CNTN3: variants seen among roughly 807,000 people sequenced by gnomAD.
CNTN3 encodes contactin-3.
In CNTN3, 60 loss-of-function variants were observed where a neutral mutation model predicts 119.1. The observed-to-expected ratio is 0.50, with a 90% CI of 0.41 to 0.62. The LOEUF (loss-of-function observed/expected upper bound fraction) is 0.62, where lower values mean the gene tolerates loss of function less well. Among genes scored for constraint, CNTN3 ranks in the 20% least tolerant of loss-of-function variants. The probability of loss-of-function intolerance (pLI) is 0.00; values close to 1 mark genes in which losing one functional copy is unlikely to be tolerated. For missense variants in CNTN3, 1,101 were observed against 1,242.4 expected, an observed-to-expected ratio of 0.89 and a Z score of 1.71; for synonymous variants, 450 against 438.7, an observed-to-expected ratio of 1.03 and a Z score of -0.32.
chr3:74,591,879 A>G (rs1285422152), intron 1 of CNTN3, among the ~76,000 whole-genome samples: 1 of 151,944 alleles, frequency 6.6e-6, no homozygotes, highest in Non-Finnish European at 1.5e-5. Flanking sequence ...CCCAAGGAAG[A>G]CAGGATAGAT....
Position 74,560,155 on chromosome 3 carries a change from T to C in CNTN3, c.-80-38963A>G, listed in dbSNP as rs138392400. Among the ~76,000 whole-genome samples, 379 of 152,266 alleles carry C rather than the reference T, an allele frequency of 2.5e-3. 4 individuals are homozygous for C. The highest frequency in any genetic ancestry group is 8.5e-3 in the African/African-American group (354 of 41,542). ...CAGCACACTCACTGGCTAGATACCATCAAGCACATCATCACACTCTTTAAT... is the reference window on the plus strand; with the variant it reads ...CAGCACACTCACTGGCTAGATACCACCAAGCACATCATCACACTCTTTAAT... On this transcript the variant is annotated intron_variant, in intron 1 of 22. Transcript: ENST00000263665.
Position 74,328,406 on chromosome 3 carries a change from C to G in CNTN3, c.1668+6329G>C, listed in dbSNP as rs114945878. 4.5e-3 allele frequency among the ~76,000 whole-genome samples: 688 copies of G among 152,162 alleles called. 5 individuals are homozygous for G. The highest frequency in any genetic ancestry group is 0.015 in the African/African-American group (630 of 41,510). ...TTGATGGAAATTAACATTTGTTGCACTCTCCTTCTGTTGTATTTACATAAT... is the reference window on the plus strand; with the variant it reads ...TTGATGGAAATTAACATTTGTTGCAGTCTCCTTCTGTTGTATTTACATAAT... On this transcript the variant is annotated intron_variant, in intron 13 of 22. Coordinates refer to ENST00000263665, the MANE Select transcript of CNTN3 (RefSeq NM_020872.3).
chr3:74,454,707 G>A (rs1417353986), intron 4 of CNTN3, among the ~76,000 whole-genome samples: 1 of 151,802 alleles, frequency 6.6e-6, no homozygotes, highest in Non-Finnish European at 1.5e-5. Context: ...GGCAGGCCTG[G>A]TGGTGACAAA....
intron 5 of CNTN3, among the ~76,000 whole-genome samples, chr3:74,380,948 G>A (rs560602275): frequency 2.8e-4 from 43 of 151,690 alleles, no homozygotes; most frequent in African/African-American, 9.4e-4. Flanking sequence ...ATTTTCACTG[G>A]TAAACAGAAA....
chr3:74,525,673 G>A (rs1703609017), intron 1 of CNTN3, among the ~76,000 whole-genome samples: 1 of 151,848 alleles, frequency 6.6e-6, no homozygotes, highest in South Asian at 2.1e-4. Flanking sequence ...AAGGGCTAAA[G>A]CTTAATATAT....
intron 4 of CNTN3, among the ~76,000 whole-genome samples, chr3:74,429,735 T>G (rs1701752489): frequency 6.6e-6 from 1 of 152,064 alleles, no homozygotes; most frequent in Admixed American, 6.6e-5. Context: ...TGAAAACCAC[T>G]TATCCACTAA....
intron 4 of CNTN3, among the ~76,000 whole-genome samples, chr3:74,437,866 TA>T (rs1488643924): frequency 6.6e-6 from 1 of 152,270 alleles, no homozygotes; most frequent in Non-Finnish European, 1.5e-5. Context: ...CTGTGCAAAG[TA>T]CATGTTAAAA....
At chr3:74,414,624 T>C (rs994446740) in intron 5 of CNTN3, among the ~76,000 whole-genome samples, 4 of 152,126 alleles carry the variant, frequency 2.6e-5, no homozygotes, top group African/African-American at 7.2e-5. Flanking sequence ...ACAAGCCCCC[T>C]AAATGAGCCA....
At chr3:74,431,538 T>C (rs1701782972) in intron 4 of CNTN3, among the ~76,000 whole-genome samples, 1 of 152,178 alleles carries the variant, frequency 6.6e-6, no homozygotes, top group Non-Finnish European at 1.5e-5. Flanking sequence ...GGGACCTTAA[T>C]ATAAACTATG....
chr3:74,456,135 T>C (rs918931312), intron 4 of CNTN3, among the ~76,000 whole-genome samples: 2 of 152,104 alleles, frequency 1.3e-5, no homozygotes. Context: ...CATATAGCAA[T>C]TGCTGCTTGG....
chr3:74,312,730 T>C (rs965990646), intron 13 of CNTN3, among the ~76,000 whole-genome samples: 1 of 152,102 alleles, frequency 6.6e-6, no homozygotes, highest in Admixed American at 6.6e-5. Context: ...AGAGGCTTAT[T>C]TGTGGCAGTC....
At chr3:74,547,359 T>A (rs1031157951) in intron 1 of CNTN3, among the ~76,000 whole-genome samples, 18 of 152,218 alleles carry the variant, frequency 1.2e-4, no homozygotes, top group African/African-American at 4.1e-4. Context: ...AATGTTTCGA[T>A]AGCCGTCAGG....
At chr3:74,379,590 T>C (rs1256928452) in intron 5 of CNTN3, among the ~76,000 whole-genome samples, 1 of 152,182 alleles carries the variant, frequency 6.6e-6, no homozygotes, top group Admixed American at 6.5e-5. Context: ...GTTTGTATTT[T>C]TGCTTGCATT....
intron 4 of CNTN3, among the ~76,000 whole-genome samples, chr3:74,484,177 C>A (rs1189461382): frequency 1.3e-5 from 2 of 152,048 alleles, no homozygotes. Flanking sequence ...GACTGCAGGG[C>A]CTGGGTAGTC....
At chr3:74,562,860 T>G (rs1188134755) in intron 1 of CNTN3, among the ~76,000 whole-genome samples, 1 of 152,116 alleles carries the variant, frequency 6.6e-6, no homozygotes, top group Non-Finnish European at 1.5e-5. Context: ...AGCGGATCAC[T>G]TGAATTTCAG....
intron 3 of CNTN3, among the ~76,000 whole-genome samples, chr3:74,499,151 T>A (rs1703117144): frequency 6.6e-6 from 1 of 151,820 alleles, no homozygotes; most frequent in Non-Finnish European, 1.5e-5. Context: ...ATATAGACTT[T>A]AACTTGATAT....
intron 1 of CNTN3, among the ~76,000 whole-genome samples, chr3:74,608,591 A>G (rs995801331): frequency 6.6e-5 from 10 of 152,154 alleles, no homozygotes; most frequent in African/African-American, 2.4e-4. Flanking sequence ...TCATATCAAG[A>G]TGTTCATCTG....
intron 4 of CNTN3, among the ~76,000 whole-genome samples, chr3:74,485,021 G>A (rs1352725195): frequency 1.3e-5 from 2 of 152,140 alleles, no homozygotes; most frequent in African/African-American, 4.8e-5. Flanking sequence ...TGGCAGTAAT[G>A]CCAGGTAAAA....
intron 5 of CNTN3, among the ~76,000 whole-genome samples, chr3:74,418,800 T>C (rs574245808): frequency 6.6e-6 from 1 of 151,858 alleles, no homozygotes; most frequent in East Asian, 1.9e-4. Flanking sequence ...TTTTATCTTT[T>C]TTTTTGGAGA....
Sources: allele counts gnomAD v4.1 joint callset (sites outside exome capture counted in the v4.1 genomes callset), GRCh38; gene constraint gnomAD v4.1.1; transcripts MANE v1.5; gene names NCBI Gene and HGNC (gene_info 2026-07-23, HGNC 2026-07-21).